The following DNAJB6 variants were observed in gnomAD, a reference collection of about 807,000 sequenced individuals.
The protein encoded by DNAJB6 is dnaJ homolog subfamily B member 6.
A neutral mutation model predicts 42.7 loss-of-function variants in DNAJB6; 16 were observed. That is an observed-to-expected ratio of 0.37 (90% CI 0.25 to 0.57). The LOEUF (loss-of-function observed/expected upper bound fraction) is 0.57, where lower values mean the gene tolerates loss of function less well. DNAJB6 is among the 20% of genes least tolerant of loss of function. The pLI is 0.74. For missense variants in DNAJB6, 347 were observed against 416.8 expected (o/e 0.83, Z 1.46); for synonymous variants, 170 against 163.5 (o/e 1.04, Z -0.30).
chr7:157,410,257 G>T (rs542069787), intron 9 of DNAJB6: 98 of 815,058 alleles, frequency 1.2e-4, no homozygotes, highest in Admixed American at 5.4e-4. Flanking sequence ...CTCCGCAAAG[G>T]ATGACAGAGC....
chr7:157,338,698 C>T (rs996559961), intron 1 of DNAJB6, among the ~76,000 whole-genome samples: 3 of 152,238 alleles, frequency 2.0e-5, no homozygotes, highest in African/African-American at 7.2e-5. Context: ...TTTCACATTT[C>T]TTTCTGCCTT....
intron 1 of DNAJB6, among the ~76,000 whole-genome samples, chr7:157,341,303 T>C (rs1235322815): frequency 6.6e-6 from 1 of 151,954 alleles, no homozygotes; most frequent in East Asian, 1.9e-4. Flanking sequence ...TTTTGTATTT[T>C]TAGTAGAGAC....
At chr7:157,356,519 G>A (rs1799286343) in intron 1 of DNAJB6, among the ~76,000 whole-genome samples, 1 of 152,190 alleles carries the variant, frequency 6.6e-6, no homozygotes, top group Non-Finnish European at 1.5e-5. Flanking sequence ...AACTACCAGG[G>A]AGGAAATCTT....
intron 5 of DNAJB6, chr7:157,369,483 G>A (rs1475411460): frequency 2.2e-6 from 1 of 452,352 alleles, no homozygotes; most frequent in African/African-American, 2.0e-5. Context: ...GAGGTGAAAC[G>A]GGCTGTCCTC....
At chr7:157,372,125 G>A (rs1269729007) in intron 5 of DNAJB6, 1 of 152,682 alleles carries the variant, frequency 6.5e-6, no homozygotes, top group African/African-American at 2.4e-5. Context: ...TATGATAGTA[G>A]TCAGTCATTT....
intron 1 of DNAJB6, among the ~76,000 whole-genome samples, chr7:157,338,316 C>G (rs1181641008): frequency 1.3e-5 from 2 of 151,892 alleles, no homozygotes; most frequent in Non-Finnish European, 1.5e-5. Context: ...CGCGTTCTCT[C>G]TGGGTTTACT....
rs150261086 is a variant in DNAJB6, at chr7:157,363,330, G to A, written c.175+60G>A. The A allele has an allele frequency of 1.7e-3, 1,945 of 1,141,900 alleles. 43 individuals carry two copies. In the African/African-American group the frequency reaches 0.027, roughly 16 times the overall value. The allele number at this position is 1,141,900 out of a possible 1,614,324, so 70.7% of individuals were successfully genotyped here. On this transcript the variant is annotated intron_variant, in intron 3 of 9. Coordinates refer to ENST00000262177, the MANE Select transcript of DNAJB6 (RefSeq NM_058246.4). ...GGGCATGCCGGAATGCGGAGTGGGT[G>A]TTGGGATCCTCCTCAGGGTAGCACA...
At chr7:157,345,350 C>T (rs1448409296) in intron 1 of DNAJB6, among the ~76,000 whole-genome samples, 6 of 152,086 alleles carry the variant, frequency 3.9e-5, no homozygotes, top group African/African-American at 7.2e-5. Context: ...CTTGCCCTGT[C>T]TCTTGTCCAA....
chr7:157,342,566 C>G (rs991891598), intron 1 of DNAJB6, among the ~76,000 whole-genome samples: 49 of 152,242 alleles, frequency 3.2e-4, no homozygotes, highest in Middle Eastern at 6.8e-3. Context: ...AGGTCATCCG[C>G]CTGCCTTGGC....
At chr7:157,415,929 A>T in intron 9 of DNAJB6, 87 bp from the exon 10 acceptor site, 1 of 1,601,246 alleles carries the variant, frequency 6.2e-7, no homozygotes, top group Non-Finnish European at 8.5e-7. Context: ...TGTTCTTAAC[A>T]TGGGGAGATA....
At chr7:157,400,437 G>T (rs1172987747) in intron 8 of DNAJB6, among the ~76,000 whole-genome samples, 1 of 142,794 alleles carries the variant, frequency 7.0e-6, no homozygotes, top group Non-Finnish European at 1.5e-5. Flanking sequence ...CTGGCACCGA[G>T]CTCTTCTCCT....
chr7:157,345,060 C>T (rs1293518387), intron 1 of DNAJB6, among the ~76,000 whole-genome samples: 1 of 151,854 alleles, frequency 6.6e-6, no homozygotes, highest in Non-Finnish European at 1.5e-5. Flanking sequence ...ATGGAGTGGT[C>T]TCGGCTCACT....
intron 3 of DNAJB6, among the ~76,000 whole-genome samples, chr7:157,365,179 C>T (rs1167411689): frequency 6.6e-6 from 1 of 152,178 alleles, no homozygotes; most frequent in African/African-American, 2.4e-5. Flanking sequence ...GTCTTGAACT[C>T]CTGGGCTTAA....
At chr7:157,358,230 C>T (rs1799407247) in intron 1 of DNAJB6, among the ~76,000 whole-genome samples, 1 of 152,328 alleles carries the variant, frequency 6.6e-6, no homozygotes, top group East Asian at 1.9e-4. Flanking sequence ...GAACACATGA[C>T]AGACTTTGTC....
At chr7:157,384,216 T>G (rs1178879522) in intron 6 of DNAJB6, among the ~76,000 whole-genome samples, 1 of 152,234 alleles carries the variant, frequency 6.6e-6, no homozygotes, top group Non-Finnish European at 1.5e-5. Flanking sequence ...AATGTATAAT[T>G]GAGAATGGTG....
Position 157,408,200 on chromosome 7 carries a change from C to A in DNAJB6, c.692-1595C>A, listed in dbSNP as rs113719996. ...ATCTCAGCAGGGGTCCTGGGGTCCC[C>A]TGGCAGGACGCGCGGGCCGGGTGTT... On this transcript the variant is annotated intron_variant, in intron 8 of 9. Coordinates refer to ENST00000262177, the MANE Select transcript of DNAJB6 (RefSeq NM_058246.4). Among the ~76,000 whole-genome samples, 43 of 152,282 alleles carry A rather than the reference C, an allele frequency of 2.8e-4. 1 individual carries two copies. Among genetic ancestry groups the A allele is most frequent in the African/African-American group, 9.4e-4 (39 of 41,542 alleles).
Position 157,358,651 on chromosome 7 carries a change from TTTC to T in DNAJB6, c.65+16_65+18del. The T allele has an allele frequency of 6.2e-7, 1 of 1,600,778 alleles. No individual in the cohort carries two copies. The highest frequency in any genetic ancestry group is 1.3e-5 in the African/African-American group (1 of 74,820). On this transcript the variant is annotated intron_variant, in intron 2 of 9. Transcript: ENST00000262177. ...TATTAAAAAGGCGTAAGTAGTTTTATTTCTGTGGTAATGCATTTTCACAGTGGT... is the reference window on the plus strand; with the variant it reads ...TATTAAAAAGGCGTAAGTAGTTTTATTGTGGTAATGCATTTTCACAGTGGT...
At chr7:157,406,420 G>A (rs867622343) in intron 8 of DNAJB6, among the ~76,000 whole-genome samples, 3 of 152,214 alleles carry the variant, frequency 2.0e-5, no homozygotes, top group Non-Finnish European at 4.4e-5. Flanking sequence ...GGACTGTGTC[G>A]GACTGCTGGG....
intron 5 of DNAJB6, among the ~76,000 whole-genome samples, chr7:157,373,382 G>A (rs558853410): frequency 6.6e-6 from 1 of 152,188 alleles, no homozygotes; most frequent in South Asian, 2.1e-4. Flanking sequence ...ACAGAGTTTT[G>A]CTCTGTCACC....
Sources: gnomAD v4.1 joint callset for allele counts (sites outside exome capture counted in the v4.1 genomes callset) on GRCh38, gnomAD v4.1.1 for gene constraint, MANE v1.5 for transcripts, NCBI Gene and HGNC (gene_info 2026-07-23, HGNC 2026-07-21) for gene names.